The following MALRD1 variants were observed in gnomAD, a reference collection of about 807,000 sequenced individuals.
MALRD1 encodes the protein MAM and LDL-receptor class A domain-containing protein 1.
In MALRD1, 247 loss-of-function variants were observed where a neutral mutation model predicts 242.1. That is an observed-to-expected ratio of 1.02 (90% CI 0.92 to 1.13). MALRD1 has a LOEUF of 1.13. MALRD1 is among the 50% of genes most tolerant of loss of function. The pLI is 0.00. For synonymous variants in MALRD1, 995 were observed against 866.6 expected (o/e 1.15, Z -2.60); for missense variants, 2,989 against 2,533.1 (o/e 1.18, Z -3.86).
At chr10:19,191,277 A>G (rs934839945) in intron 14 of MALRD1, among the ~76,000 whole-genome samples, 2 of 152,164 alleles carry the variant, frequency 1.3e-5, no homozygotes, top group African/African-American at 2.4e-5. Context: ...CCTTGCATCC[A>G]TTAGATTACT....
chr10:19,112,411 G>A (rs933955593), intron 5 of MALRD1, among the ~76,000 whole-genome samples: 12 of 152,108 alleles, frequency 7.9e-5, no homozygotes, highest in Non-Finnish European at 1.6e-4. Flanking sequence ...GATAGGGATA[G>A]GGCTTCTTGG....
intron 18 of MALRD1, among the ~76,000 whole-genome samples, chr10:19,219,708 G>A (rs894984571): frequency 6.6e-6 from 1 of 152,164 alleles, no homozygotes; most frequent in Non-Finnish European, 1.5e-5. Flanking sequence ...ACAGGCATGA[G>A]CCACCATACT....
chr10:19,448,882 T>C (rs1835152666), intron 28 of MALRD1, among the ~76,000 whole-genome samples: 1 of 152,046 alleles, frequency 6.6e-6, no homozygotes, highest in Admixed American at 6.6e-5. Context: ...TCACTTTTCC[T>C]CCTAACTGAA....
chr10:19,170,176 G>T (rs866870746), intron 13 of MALRD1, among the ~76,000 whole-genome samples: 1 of 152,164 alleles, frequency 6.6e-6, no homozygotes, highest in African/African-American at 2.4e-5. Context: ...TCTATTTCTT[G>T]TGAGAGTTTA....
chr10:19,378,292 C>T (rs79416676), intron 26 of MALRD1, among the ~76,000 whole-genome samples: 12,910 of 152,158 alleles, frequency 0.085, 711 homozygotes, highest in East Asian at 0.17. Flanking sequence ...TAATTTATCA[C>T]ATGCACTTGT....
At chr10:19,318,965 A>G (rs1415766826) in intron 21 of MALRD1, among the ~76,000 whole-genome samples, 2 of 55,398 alleles carry the variant, frequency 3.6e-5, no homozygotes, top group Non-Finnish European at 7.5e-5. Flanking sequence ...ATAATAACGT[A>G]CACAGACATA....
intron 28 of MALRD1, among the ~76,000 whole-genome samples, chr10:19,429,352 C>G (rs961597444): frequency 6.6e-6 from 1 of 151,998 alleles, no homozygotes; most frequent in Admixed American, 6.6e-5. Flanking sequence ...GGTGGATTGC[C>G]TGAGGTCAGG....
At chr10:19,442,022 G>T (rs1044097257) in intron 28 of MALRD1, among the ~76,000 whole-genome samples, 1 of 152,152 alleles carries the variant, frequency 6.6e-6, no homozygotes, top group African/African-American at 2.4e-5. Flanking sequence ...GCATTGGTTT[G>T]TAGTTCTCCG....
At chr10:19,617,894 A>T (rs979267079) in intron 36 of MALRD1, among the ~76,000 whole-genome samples, 2 of 152,084 alleles carry the variant, frequency 1.3e-5, no homozygotes, top group Non-Finnish European at 1.5e-5. Context: ...TAAGCTCATC[A>T]TGGGGGATTT....
At chr10:19,679,023 A>G (rs1842255383) in intron 36 of MALRD1, among the ~76,000 whole-genome samples, 1 of 152,150 alleles carries the variant, frequency 6.6e-6, no homozygotes, top group Non-Finnish European at 1.5e-5. Flanking sequence ...ATCATGGTAG[A>G]TAAGCTTTTT....
chr10:19,101,253 T>TAA (rs1196634957), intron 4 of MALRD1, among the ~76,000 whole-genome samples: 4 of 146,468 alleles, frequency 2.7e-5, no homozygotes, highest in Non-Finnish European at 6.0e-5. Context: ...GAAATACATA[T>TAA]ATATATATTC....
chr10:19,332,255 T>C (rs1157890477), intron 24 of MALRD1, among the ~76,000 whole-genome samples: 4 of 151,738 alleles, frequency 2.6e-5, no homozygotes, highest in African/African-American at 9.7e-5. Flanking sequence ...CTGCAGCCTC[T>C]GATGCATTTC....
chr10:19,448,926 G>A (rs751764078), intron 28 of MALRD1, among the ~76,000 whole-genome samples: 51 of 151,772 alleles, frequency 3.4e-4, no homozygotes, highest in Admixed American at 7.9e-4. Flanking sequence ...CATCCATCAG[G>A]GATAAGTGAT....
At chr10:19,406,273 TG>T (rs376246817) in intron 28 of MALRD1, among the ~76,000 whole-genome samples, 28 of 152,312 alleles carry the variant, frequency 1.8e-4, no homozygotes, top group African/African-American at 5.8e-4. Flanking sequence ...TCAGAATATT[TG>T]TTTAGTTGTG....
intron 19 of MALRD1, among the ~76,000 whole-genome samples, chr10:19,276,060 A>C (rs2131863857): frequency 6.6e-6 from 1 of 152,312 alleles, no homozygotes; most frequent in South Asian, 2.1e-4. Flanking sequence ...TCTCAGTGCA[A>C]ATGACAGTCA....
chr10:19,418,575 G>A (rs1321621580), intron 28 of MALRD1, among the ~76,000 whole-genome samples: 1 of 151,990 alleles, frequency 6.6e-6, no homozygotes, highest in African/African-American at 2.4e-5. Context: ...ATTTCAGGGT[G>A]GATGCTACAC....
Position 19,237,728 on chromosome 10 carries a change from A to G in MALRD1, c.2992-19956A>G, listed in dbSNP as rs1220508651. On this transcript the variant is annotated intron_variant, in intron 18 of 39. Coordinates refer to ENST00000454679, the MANE Select transcript of MALRD1 (RefSeq NM_001142308.3). The stretch of plus-strand genomic sequence containing the variant: ...TATATATATATTTATATATAAATAT[A>G]TAATTATATATAATTTATATATAAA... 3.4e-5 allele frequency among the ~76,000 whole-genome samples: 4 copies of G among 118,752 alleles called. No individual in the cohort carries two copies. In the East Asian group the frequency reaches 8.7e-4, roughly 26 times the overall value. 77.9% of individuals were successfully genotyped at this position (118,752 alleles called of 152,430 possible).
intron 19 of MALRD1, among the ~76,000 whole-genome samples, chr10:19,265,440 A>G (rs1384096797): frequency 6.6e-6 from 1 of 151,674 alleles, no homozygotes; most frequent in Admixed American, 6.6e-5. Context: ...ATTTTCATTT[A>G]TCTCAGATTT....
At chr10:19,317,803 T>C (rs1842765981) in intron 21 of MALRD1, among the ~76,000 whole-genome samples, 1 of 152,074 alleles carries the variant, frequency 6.6e-6, no homozygotes, top group Non-Finnish European at 1.5e-5. Flanking sequence ...GATTATCCTG[T>C]AAGACCTAGG....
Sources: allele counts gnomAD v4.1 joint callset (sites outside exome capture counted in the v4.1 genomes callset), GRCh38; gene constraint gnomAD v4.1.1; transcripts MANE v1.5; gene names NCBI Gene and HGNC (gene_info 2026-07-23, HGNC 2026-07-21).